CLCN3: variants seen among roughly 807,000 people sequenced by gnomAD.
CLCN3 encodes the protein H(+)/Cl(-) exchange transporter 3.
Under a neutral mutation model 83.4 loss-of-function variants are expected in CLCN3, and 16 were observed. The observed-to-expected ratio is 0.19, with a 90% CI of 0.13 to 0.29. The LOEUF is 0.29. Among genes scored for constraint, CLCN3 ranks in the 10% least tolerant of loss-of-function variants. The probability of loss-of-function intolerance (pLI) is 1.00; values close to 1 mark genes in which losing one functional copy is unlikely to be tolerated. For missense variants in CLCN3, 544 were observed against 1,006.0 expected, an observed-to-expected ratio of 0.54 and a Z score of 6.21; for synonymous variants, 322 against 346.2, an observed-to-expected ratio of 0.93 and a Z score of 0.78.
chr4:169,636,263 A>G (rs771073191), intron 2 of CLCN3, among the ~76,000 whole-genome samples, 175 bp downstream of exon 2: 1 of 152,196 alleles, frequency 6.6e-6, no homozygotes, highest in Non-Finnish European at 1.5e-5. Flanking sequence ...GCAGGTTCAC[A>G]GTGTTGTGCA....
rs2150192540 is a variant in CLCN3 at position 169,620,695 on chromosome 4, C to T, written c.-385C>T. On this transcript the variant is annotated 5_prime_UTR_variant, in exon 1 of 13. Coordinates refer to ENST00000513761, the MANE Select transcript of CLCN3 (RefSeq NM_001829.4). ...CAAGGAGGGTGTGGTGGGTTGAAAG[C>T]CATCCTACTTTACTCCCGAGTTAGA... 1 of 398,618 alleles carries T rather than the reference C, an allele frequency of 2.5e-6. No homozygotes were observed. Among genetic ancestry groups the T allele is most frequent in the Admixed American group, 4.4e-5 (1 of 22,734 alleles). The allele number at this position is 398,618 out of a possible 1,614,324, so 24.7% of individuals were successfully genotyped here.
intron 1 of CLCN3, among the ~76,000 whole-genome samples, chr4:169,630,054 C>T (rs373372339): frequency 1.1e-4 from 16 of 152,068 alleles, no homozygotes; most frequent in African/African-American, 3.9e-4. Flanking sequence ...ATATAGTAAG[C>T]TCTGGTTAAG....
intron 2 of CLCN3, among the ~76,000 whole-genome samples, chr4:169,648,116 C>T (rs796122159): frequency 3.3e-5 from 5 of 152,176 alleles, no homozygotes; most frequent in African/African-American, 1.2e-4. Context: ...TTCAGGGAGA[C>T]AAGATAGCTA....
intron 2 of CLCN3, among the ~76,000 whole-genome samples, chr4:169,675,401 G>A (rs1211796786): frequency 6.6e-6 from 1 of 152,180 alleles, no homozygotes; most frequent in Non-Finnish European, 1.5e-5. Flanking sequence ...AAACCAAAGA[G>A]AATGAGTTTG....
At chr4:169,639,439 C>G (rs1054010192) in intron 2 of CLCN3, among the ~76,000 whole-genome samples, 1 of 152,064 alleles carries the variant, frequency 6.6e-6, no homozygotes, top group African/African-American at 2.4e-5. Context: ...TTCGGTGGTA[C>G]AGATTCCAAA....
chr4:169,635,850 TTAAAC>T lies in CLCN3; in HGVS notation c.-16-60_-16-56del, dbSNP rs956391607. On this transcript the variant is annotated intron_variant, in intron 1 of 12. Transcript: ENST00000513761. ...AGATCATAACTTTCCTTTTGTGATG[TTAAAC>T]TAGATGATTTTTATTGTATGTTTGA... The T allele has an allele frequency of 6.7e-6, 9 of 1,346,306 alleles. No individual in the cohort carries two copies. The Admixed American group carries it at 2.3e-4, about 34-fold the overall frequency. 83.4% of individuals were successfully genotyped at this position (1,346,306 alleles called of 1,614,324 possible).
chr4:169,636,051 T>A lies in CLCN3; in HGVS notation c.123T>A (p.Ser41=), dbSNP rs776947851. The part of the protein sequence containing the change: ...GAGVIMDFQT[S]EDDNLLDGDT... ...GTGTTATTATGGACTTTCAAACATC[T>A]GAAGATGACAATTTATTAGATGGTG... Residue 41 remains serine, a synonymous_variant, in exon 2 of 13, where the codon TCT becomes TCA. Transcript: ENST00000513761. 3 of 1,612,968 alleles carry A rather than the reference T, an allele frequency of 1.9e-6. No homozygotes were observed. The highest frequency in any genetic ancestry group is 2.5e-6 in the Non-Finnish European group (3 of 1,179,502).
At chr4:169,651,799 AATAAT>A (rs1184278828) in intron 2 of CLCN3, among the ~76,000 whole-genome samples, 1 of 152,198 alleles carries the variant, frequency 6.6e-6, no homozygotes, top group African/African-American at 2.4e-5. Context: ...TTATACATAA[AATAAT>A]AAGTCTATGG....
At chr4:169,697,962 T>C (rs185050667) in intron 9 of CLCN3, among the ~76,000 whole-genome samples, 3 of 152,388 alleles carry the variant, frequency 2.0e-5, no homozygotes, top group East Asian at 1.9e-4. Flanking sequence ...TAACTACTTA[T>C]TTTGTTCTTG....
At chr4:169,648,044 G>A (rs1211337758) in intron 2 of CLCN3, among the ~76,000 whole-genome samples, 1 of 152,150 alleles carries the variant, frequency 6.6e-6, no homozygotes, top group Non-Finnish European at 1.5e-5. Flanking sequence ...ACATTTTACA[G>A]GATACCTGAC....
chr4:169,698,630 A>C (rs1434784511), intron 9 of CLCN3, among the ~76,000 whole-genome samples: 1 of 152,228 alleles, frequency 6.6e-6, no homozygotes, highest in African/African-American at 2.4e-5. Flanking sequence ...GGACAAGTGT[A>C]AGAGAATTCA....
intron 12 of CLCN3, among the ~76,000 whole-genome samples, chr4:169,716,099 G>A (rs1733413159): frequency 6.6e-6 from 1 of 152,108 alleles, no homozygotes; most frequent in African/African-American, 2.4e-5. Flanking sequence ...TACATCATTA[G>A]TTTTTAGCCC....
At chr4:169,670,885 A>G (rs1731432495) in intron 2 of CLCN3, among the ~76,000 whole-genome samples, 1 of 152,208 alleles carries the variant, frequency 6.6e-6, no homozygotes, top group Non-Finnish European at 1.5e-5. Context: ...GAAAATCAAA[A>G]CCACAATGAG....
intron 12 of CLCN3, among the ~76,000 whole-genome samples, chr4:169,719,498 A>G (rs1733552730): frequency 6.6e-6 from 1 of 152,124 alleles, no homozygotes; most frequent in Admixed American, 6.5e-5. Flanking sequence ...AAAAAGAGAA[A>G]ATATTGAGAG....
intron 2 of CLCN3, chr4:169,660,193 G>T (rs751059347): frequency 3.7e-4 from 438 of 1,174,864 alleles, no homozygotes; most frequent in Admixed American, 5.1e-4. Context: ...TCCCTTTGAT[G>T]ACATCATCCA....
At chr4:169,648,232 C>T (rs1730630307) in intron 2 of CLCN3, among the ~76,000 whole-genome samples, 1 of 152,152 alleles carries the variant, frequency 6.6e-6, no homozygotes, top group African/African-American at 2.4e-5. Flanking sequence ...ATACAAATGT[C>T]AAGTTTCTTA....
At chr4:169,636,735 G>GTTGTTTTTTTTTTT (rs1553965336) in intron 2 of CLCN3, among the ~76,000 whole-genome samples, 9 of 119,520 alleles carry the variant, frequency 7.5e-5, no homozygotes, top group African/African-American at 6.0e-5. Flanking sequence ...TCATTATTTG[G>GTTGTTTTTTTTTTT]TTTTTTTTTT....
intron 1 of CLCN3, among the ~76,000 whole-genome samples, chr4:169,631,023 A>G (rs1581186121): frequency 6.6e-6 from 1 of 152,208 alleles, no homozygotes; most frequent in East Asian, 1.9e-4. Flanking sequence ...AAGTTCTTTG[A>G]TAAATCTCCA....
Position 169,681,740 on chromosome 4 carries a change from C to A in CLCN3, c.318+1533C>A, listed in dbSNP as rs369245714. On this transcript the variant is annotated intron_variant, in intron 3 of 12. Transcript: ENST00000513761. ...ATAATTCATTTAAAAATAACAGTAACAAAACCCATTACATGTTGACATAAA... is the reference window on the plus strand; with the variant it reads ...ATAATTCATTTAAAAATAACAGTAAAAAAACCCATTACATGTTGACATAAA... Among the ~76,000 whole-genome samples, 4 of 152,174 alleles carry A rather than the reference C, an allele frequency of 2.6e-5. No homozygotes were observed. The South Asian group carries it at 6.2e-4, about 24-fold the overall frequency.
Sources: allele counts gnomAD v4.1 joint callset (sites outside exome capture counted in the v4.1 genomes callset), GRCh38; gene constraint gnomAD v4.1.1; transcripts MANE v1.5; gene names NCBI Gene and HGNC (gene_info 2026-07-23, HGNC 2026-07-21).